LIN52: variants seen among roughly 807,000 people sequenced by gnomAD.
LIN52 encodes the protein lin-52 DREAM MuvB core complex component, also known as protein lin-52 homolog.
In LIN52, 4 loss-of-function variants were observed where a neutral mutation model predicts 18.5. That is an observed-to-expected ratio of 0.22 (90% CI 0.11 to 0.49). The LOEUF is 0.49. Ranked by LOEUF, LIN52 falls within the 20% of genes least tolerant of loss-of-function variation. The probability of loss-of-function intolerance (pLI) is 0.97; values close to 1 mark genes in which losing one functional copy is unlikely to be tolerated. For missense variants in LIN52, 102 were observed against 139.5 expected (o/e 0.73, Z 1.35); for synonymous variants, 34 against 45.5 (o/e 0.75, Z 1.02).
At chr14:74,119,496 G>A (rs367944369) in intron 5 of LIN52, among the ~76,000 whole-genome samples, 1 of 152,046 alleles carries the variant, frequency 6.6e-6, no homozygotes, top group African/African-American at 2.4e-5. Flanking sequence ...ATATAACTAG[G>A]AAGTGGAATT....
At chr14:74,192,709 A>G (rs551781470) in intron 5 of LIN52, 13 of 265,462 alleles carry the variant, frequency 4.9e-5, no homozygotes, top group South Asian at 4.0e-4. Context: ...CAGTATATCA[A>G]TGAGGCAGAT....
intron 5 of LIN52, chr14:74,114,174 T>TGTGTGTG (rs1566851350): frequency 1.2e-6 from 1 of 811,696 alleles, no homozygotes; most frequent in Admixed American, 1.7e-4. Flanking sequence ...TAACTGAGAT[T>TGTGTGTG]AGTGTGTGTG....
intron 1 of LIN52, among the ~76,000 whole-genome samples, chr14:74,090,976 A>G (rs2060769046): frequency 6.6e-6 from 1 of 152,228 alleles, no homozygotes; most frequent in South Asian, 2.1e-4. Context: ...ATGAAGATGC[A>G]GGTGGGTTCA....
At chr14:74,173,155 A>G (rs1413571519) in intron 5 of LIN52, among the ~76,000 whole-genome samples, 4 of 152,138 alleles carry the variant, frequency 2.6e-5, no homozygotes, top group African/African-American at 9.7e-5. Flanking sequence ...AATTATTTAC[A>G]TGTACTAAGG....
At chr14:74,096,382 GA>G (rs1183093003) in intron 3 of LIN52, among the ~76,000 whole-genome samples, 1 of 151,914 alleles carries the variant, frequency 6.6e-6, no homozygotes, top group African/African-American at 2.4e-5. Flanking sequence ...TTGTGGAGAA[GA>G]GGTCTCACTA....
intron 2 of LIN52, among the ~76,000 whole-genome samples, chr14:74,093,553 A>G (rs62005138): frequency 6.6e-6 from 1 of 151,316 alleles, no homozygotes; most frequent in African/African-American, 2.4e-5. Context: ...CTTGAACTCC[A>G]GACCTCAGAT....
intron 1 of LIN52, among the ~76,000 whole-genome samples, chr14:74,086,754 A>G (rs2060734902): frequency 2.0e-5 from 3 of 152,198 alleles, no homozygotes; most frequent in African/African-American, 7.2e-5. Flanking sequence ...TTCTCTTGCC[A>G]GAAAGAAGGG....
At chr14:74,162,838 C>A (rs1228236163) in intron 5 of LIN52, among the ~76,000 whole-genome samples, 3 of 152,144 alleles carry the variant, frequency 2.0e-5, no homozygotes, top group Non-Finnish European at 4.4e-5. Flanking sequence ...TTCCTAACAA[C>A]CTTATTTGTT....
chr14:74,162,026 C>T (rs2061227537), intron 5 of LIN52, among the ~76,000 whole-genome samples: 1 of 152,086 alleles, frequency 6.6e-6, no homozygotes, highest in Non-Finnish European at 1.5e-5. Context: ...AAGCGAGAGA[C>T]AGTAAATGGA....
chr14:74,194,606 T>A (rs1303095146), intron 5 of LIN52, among the ~76,000 whole-genome samples: 3 of 152,352 alleles, frequency 2.0e-5, no homozygotes, highest in South Asian at 2.1e-4. Context: ...CTCCACACTC[T>A]GCAGCATTTC....
chr14:74,091,091 G>A (rs555603777), intron 1 of LIN52, 141 bp from the exon 2 acceptor site: 5 of 531,608 alleles, frequency 9.4e-6, no homozygotes, highest in African/African-American at 5.6e-5. Flanking sequence ...ATTCTATCAC[G>A]GACCAGTGGC....
chr14:74,162,292 A>G (rs113395277), intron 5 of LIN52, among the ~76,000 whole-genome samples: 5,882 of 152,018 alleles, frequency 0.039, 135 homozygotes, highest in Non-Finnish European at 0.06. Flanking sequence ...CGTGGCCAAT[A>G]TGGTGAAATC....
At chr14:74,195,301 G>A (rs945102949) in intron 5 of LIN52, among the ~76,000 whole-genome samples, 3 of 152,158 alleles carry the variant, frequency 2.0e-5, no homozygotes, top group Non-Finnish European at 1.5e-5. Flanking sequence ...GTGCCAAGCT[G>A]AAGAACATGT....
chr14:74,197,369 A>G (rs1247812926), intron 5 of LIN52, among the ~76,000 whole-genome samples: 1 of 152,232 alleles, frequency 6.6e-6, no homozygotes, highest in Non-Finnish European at 1.5e-5. Flanking sequence ...TTAATCAGAA[A>G]TGTTAACATC....
At chr14:74,095,147 C>CTATTTT (rs1595146512) in intron 2 of LIN52, among the ~76,000 whole-genome samples, 1 of 97,104 alleles carries the variant, frequency 1.0e-5, no homozygotes, top group Non-Finnish European at 2.1e-5. Flanking sequence ...GCCCAACTAA[C>CTATTTT]TGTTTTTTTT....
At chr14:74,128,793 C>T (rs994025720) in intron 5 of LIN52, among the ~76,000 whole-genome samples, 12 of 152,002 alleles carry the variant, frequency 7.9e-5, no homozygotes, top group Non-Finnish European at 1.3e-4. Flanking sequence ...AAGTACAGAA[C>T]ATTAGCCTGC....
At chr14:74,137,665 A>G (rs1391922152) in intron 5 of LIN52, among the ~76,000 whole-genome samples, 1 of 151,392 alleles carries the variant, frequency 6.6e-6, no homozygotes, top group African/African-American at 2.4e-5. Context: ...ATGCCTAACT[A>G]ATTTTTGTAT....
chr14:74,192,618 G>T, intron 5 of LIN52: 1 of 221,244 alleles, frequency 4.5e-6, no homozygotes, highest in South Asian at 6.3e-5. Context: ...GAAGGTGGAG[G>T]GGTAGGATAG....
rs940809724 is a variant in LIN52, at chr14:74,101,299, C to G, written c.283+61C>G. The G allele has an allele frequency of 1.9e-5, 22 of 1,187,832 alleles. No individual in the cohort carries two copies. The African/African-American group carries it at 3.0e-4, about 16-fold the overall frequency. 73.6% of individuals were successfully genotyped at this position (1,187,832 alleles called of 1,614,324 possible). A position where few individuals can be genotyped will look rare whatever the true frequency, so the allele number is the denominator to read the frequency against. On this transcript the variant is annotated intron_variant, in intron 5 of 5. Transcript: ENST00000555028. ...TCCACCCTGAGCTGTGTATTCCACC[C>G]TGAGCTCAGGTATTCCACCCTGAGC...
Sources: gnomAD v4.1 joint callset for allele counts (sites outside exome capture counted in the v4.1 genomes callset) on GRCh38, gnomAD v4.1.1 for gene constraint, MANE v1.5 for transcripts, NCBI Gene and HGNC (gene_info 2026-07-23, HGNC 2026-07-21) for gene names.